The following PTPRD variants were observed in gnomAD, a reference collection of about 807,000 sequenced individuals.
PTPRD encodes the protein protein tyrosine phosphatase receptor type D.
PTPRD carries 34 observed loss-of-function variants against 214.5 expected under a neutral mutation model. That is an observed-to-expected ratio of 0.16 (90% CI 0.12 to 0.21). The LOEUF (loss-of-function observed/expected upper bound fraction) is 0.21. PTPRD is among the 10% of genes least tolerant of loss of function. The pLI is 1.00. For synonymous variants in PTPRD, 1,128 were observed against 845.7 expected, an observed-to-expected ratio of 1.33 and a Z score of -5.79; for missense variants, 2,545 against 2,398.7, an observed-to-expected ratio of 1.06 and a Z score of -1.27.
chr9:8,917,628 A>T (rs1467168418), intron 11 of PTPRD, among the ~76,000 whole-genome samples: 1 of 151,998 alleles, frequency 6.6e-6, no homozygotes, highest in African/African-American at 2.4e-5. Context: ...CAATCTGGAG[A>T]ACTCTTGTTG....
At chr9:8,327,810 C>T (rs117553562) in intron 44 of PTPRD, among the ~76,000 whole-genome samples, 19,181 of 151,610 alleles carry the variant, frequency 0.13, 1,465 homozygotes, top group African/African-American at 0.21. Context: ...GTTTAAAGTC[C>T]GTTTTATCAG....
Position 8,882,884 on chromosome 9 carries a change from C to CA in PTPRD, c.-104+135812dup, listed in dbSNP as rs759863465. Among the ~76,000 whole-genome samples, 122 of 100,972 alleles carry CA rather than the reference C, an allele frequency of 1.2e-3. 6 individuals are homozygous for CA. The highest frequency in any genetic ancestry group is 1.8e-3 in the African/African-American group (48 of 26,644). The allele number at this position is 100,972 out of a possible 152,430, so 66.2% of individuals were successfully genotyped here. A position where few individuals can be genotyped will look rare whatever the true frequency, so the allele number is the denominator to read the frequency against. On this transcript the variant is annotated intron_variant, in intron 11 of 45. Transcript: ENST00000381196. ...TGGGTGACGGAGCAAGGCTCTGTCT[C>CA]AAAAAAAAAAAAGGTATTTTAGAGC...
chr9:10,604,971 A>T (rs1395965234), intron 2 of PTPRD, among the ~76,000 whole-genome samples: 2 of 151,870 alleles, frequency 1.3e-5, no homozygotes, highest in African/African-American at 2.4e-5. Flanking sequence ...TTCAGGGGGA[A>T]TAAAAAAGGA....
At chr9:8,339,467 T>C (rs1850285561) in intron 42 of PTPRD, among the ~76,000 whole-genome samples, 1 of 152,098 alleles carries the variant, frequency 6.6e-6, no homozygotes, top group East Asian at 1.9e-4. Context: ...GAACCATCAG[T>C]ATGGACATAG....
intron 9 of PTPRD, among the ~76,000 whole-genome samples, chr9:9,385,553 T>A (rs1446502925): frequency 6.6e-6 from 1 of 152,172 alleles, no homozygotes; most frequent in Non-Finnish European, 1.5e-5. Context: ...GTCCTTTCAG[T>A]GAGCAAGTAT....
chr9:9,462,656 A>G (rs997127414), intron 8 of PTPRD, among the ~76,000 whole-genome samples: 7 of 152,084 alleles, frequency 4.6e-5, no homozygotes, highest in African/African-American at 1.4e-4. Context: ...CTTATGTTCA[A>G]GCCCCTTCTT....
At chr9:10,597,417 C>T (rs551899190) in intron 2 of PTPRD, among the ~76,000 whole-genome samples, 11 of 151,798 alleles carry the variant, frequency 7.2e-5, no homozygotes, top group African/African-American at 2.2e-4. Flanking sequence ...AATAAATTTA[C>T]TCACTTAATG....
chr9:10,234,893 A>G (rs912246121), intron 3 of PTPRD, among the ~76,000 whole-genome samples: 1 of 151,872 alleles, frequency 6.6e-6, no homozygotes, highest in Non-Finnish European at 1.5e-5. Flanking sequence ...CTTATATATT[A>G]CCCTTAATAC....
intron 9 of PTPRD, among the ~76,000 whole-genome samples, chr9:9,275,199 T>TATATGTTATATATATA (rs1491465404): frequency 1.9e-4 from 2 of 10,402 alleles, no homozygotes; most frequent in African/African-American, 4.9e-4. Context: ...TATATATATA[T>TATATGTTATATATATA]TATATATATA....
At chr9:9,474,403 C>T (rs1036355388) in intron 8 of PTPRD, among the ~76,000 whole-genome samples, 1 of 152,028 alleles carries the variant, frequency 6.6e-6, no homozygotes, top group Non-Finnish European at 1.5e-5. Flanking sequence ...TCTTTTTACA[C>T]AGTATTGCTT....
chr9:8,945,998 G>C (rs2099061634), intron 11 of PTPRD, among the ~76,000 whole-genome samples: 1 of 152,120 alleles, frequency 6.6e-6, no homozygotes, highest in Non-Finnish European at 1.5e-5. Context: ...CCCTAGGAAA[G>C]TCCTCCTAAG....
chr9:8,633,978 G>A lies in PTPRD; in HGVS notation c.211-520C>T, dbSNP rs551701335. Among the ~76,000 whole-genome samples, 199 of 151,866 alleles carry A rather than the reference G, an allele frequency of 1.3e-3. 1 individual carries two copies. The highest frequency in any genetic ancestry group is 2.0e-3 in the Non-Finnish European group (138 of 67,920). On this transcript the variant is annotated intron_variant, in intron 13 of 45. Transcript: ENST00000381196. Reference sequence around the variant, plus strand: ...GAAATTGCATAAATCTAGTACTTAGGCAGCCAACGAGACAGCTTTCACAAC... The same window carrying A: ...GAAATTGCATAAATCTAGTACTTAGACAGCCAACGAGACAGCTTTCACAAC...
intron 2 of PTPRD, among the ~76,000 whole-genome samples, chr9:10,361,583 T>C (rs2097393606): frequency 6.6e-6 from 1 of 152,122 alleles, no homozygotes; most frequent in Non-Finnish European, 1.5e-5. Flanking sequence ...GCATTCAAAA[T>C]GCACAGAGAA....
intron 2 of PTPRD, among the ~76,000 whole-genome samples, chr9:10,595,958 C>T (rs912790037): frequency 1.3e-5 from 2 of 151,780 alleles, no homozygotes; most frequent in African/African-American, 4.8e-5. Flanking sequence ...ACCCTTTAAT[C>T]GTGTGATTTG....
intron 8 of PTPRD, among the ~76,000 whole-genome samples, chr9:9,540,517 T>A (rs1342232023): frequency 6.6e-6 from 1 of 151,672 alleles, no homozygotes; most frequent in African/African-American, 2.4e-5. Flanking sequence ...TAGCACAGGT[T>A]GAAACAGCCA....
At chr9:9,778,040 A>G (rs909471110) in intron 5 of PTPRD, among the ~76,000 whole-genome samples, 7 of 152,220 alleles carry the variant, frequency 4.6e-5, no homozygotes, top group South Asian at 2.1e-4. Context: ...GAGGGGAGAC[A>G]AGATGGCTGA....
intron 12 of PTPRD, among the ~76,000 whole-genome samples, chr9:8,685,806 G>C (rs1307340602): frequency 6.6e-6 from 1 of 152,140 alleles, no homozygotes; most frequent in East Asian, 1.9e-4. Flanking sequence ...TCCCAAAGCA[G>C]TACCTTTACA....
chr9:8,613,938 G>A (rs775648120), intron 14 of PTPRD, among the ~76,000 whole-genome samples: 4 of 151,482 alleles, frequency 2.6e-5, no homozygotes, highest in East Asian at 3.9e-4. Flanking sequence ...GAAGAGTATC[G>A]CTATTCTTGC....
chr9:9,107,829 A>G (rs1569544088), intron 10 of PTPRD, among the ~76,000 whole-genome samples: 1 of 152,276 alleles, frequency 6.6e-6, no homozygotes, highest in South Asian at 2.1e-4. Flanking sequence ...ATGACTCAAA[A>G]GCACTCTCCT....
Sources: allele counts gnomAD v4.1 joint callset (sites outside exome capture counted in the v4.1 genomes callset), GRCh38; gene constraint gnomAD v4.1.1; transcripts MANE v1.5; gene names NCBI Gene and HGNC (gene_info 2026-07-23, HGNC 2026-07-21).